GASK1B: variants seen among roughly 807,000 people sequenced by gnomAD.
GASK1B encodes the protein golgi associated kinase 1B.
In GASK1B, 34 loss-of-function variants were observed where a neutral mutation model predicts 42.8. That is an observed-to-expected ratio of 0.79 (90% confidence interval 0.60 to 1.06). The LOEUF is 1.06. GASK1B is among the 50% of genes least tolerant of loss of function. GASK1B has a pLI of 0.00. For synonymous variants in GASK1B, 262 were observed against 259.1 expected, an observed-to-expected ratio of 1.01 and a Z score of -0.11; for missense variants, 686 against 661.0, an observed-to-expected ratio of 1.04 and a Z score of -0.42.
In GASK1B at chr4:158,124,951, A is replaced by C. The variant is rs1730393632; in HGVS notation, c.*2456T>G. On this transcript the variant is annotated 3_prime_UTR_variant, in exon 5 of 5. Transcript: ENST00000585682. Reference sequence around the variant, plus strand: ...AAGTCACACAAGAATAAGCTTTTGCATGTCTGCTAAGGTAAATTATTATAT... The same window carrying C: ...AAGTCACACAAGAATAAGCTTTTGCCTGTCTGCTAAGGTAAATTATTATAT... 1 of 152,158 alleles carries C rather than the reference A, an allele frequency of 6.6e-6. No homozygotes were observed. Among genetic ancestry groups the C allele is most frequent in the African/African-American group, 2.4e-5 (1 of 41,464 alleles). The allele number at this position is 152,158 out of a possible 1,614,324, so 9.4% of individuals were successfully genotyped here. A position where few individuals can be genotyped will look rare whatever the true frequency, so the allele number is the denominator to read the frequency against.
intron 2 of GASK1B, among the ~76,000 whole-genome samples, chr4:158,159,999 G>C (rs1386565222): frequency 6.6e-6 from 1 of 152,128 alleles, no homozygotes; most frequent in Non-Finnish European, 1.5e-5. Context: ...GCAAAAATAA[G>C]AAGAAAAGTC....
chr4:158,126,470 A>G lies in GASK1B; in HGVS notation c.*937T>C, dbSNP rs1184065512. 1.3e-5 allele frequency: 2 copies of G among 152,164 alleles called. No individual in the cohort carries two copies. Among genetic ancestry groups the G allele is most frequent in the East Asian group, 3.8e-4 (2 of 5,198 alleles). The allele number at this position is 152,164 out of a possible 1,614,324, so 9.4% of individuals were successfully genotyped here. A position where few individuals can be genotyped will look rare whatever the true frequency, so the allele number is the denominator to read the frequency against. On this transcript the variant is annotated 3_prime_UTR_variant, in exon 5 of 5. Transcript: ENST00000585682. Reference sequence around the variant, plus strand: ...AACCAATTCTCAATATCTGGGCAGTAACCATTAAATCAAATTAAATATAAG... The same window carrying G: ...AACCAATTCTCAATATCTGGGCAGTGACCATTAAATCAAATTAAATATAAG...
rs1055276210 is a variant in GASK1B at position 158,134,377 on chromosome 4, T to C, written c.1126-3365A>G. ...ACTTAACTACTGCATGATTAAGCAC[T>C]GTAGTGTACATCTACGTGTCTGCGT... On this transcript the variant is annotated intron_variant, in intron 3 of 4. Transcript: ENST00000585682. Among the ~76,000 whole-genome samples the C allele has an allele frequency of 2.8e-4, 42 of 152,316 alleles. 1 individual carries two copies. Among genetic ancestry groups the C allele is most frequent in the Admixed American group, 1.8e-3 (27 of 15,302 alleles).
In GASK1B at chr4:158,126,421, A is replaced by G. The variant is rs939106280; in HGVS notation, c.*986T>C. ...CTCATGTTGAAATAAGCCAGATAAT[A>G]TATTGAAACACACTCAATATTTGAA... On this transcript the variant is annotated 3_prime_UTR_variant, in exon 5 of 5. Coordinates refer to ENST00000585682, the MANE Select transcript of GASK1B (RefSeq NM_001128424.2). 2 of 152,182 alleles carry G rather than the reference A, an allele frequency of 1.3e-5. No homozygotes were observed. The allele number at this position is 152,182 out of a possible 1,614,324, so 9.4% of individuals were successfully genotyped here.
chr4:158,145,391 G>A (rs1395455356), intron 3 of GASK1B, among the ~76,000 whole-genome samples: 3 of 152,100 alleles, frequency 2.0e-5, no homozygotes, highest in Non-Finnish European at 4.4e-5. Context: ...TCATATTCTT[G>A]TTGTCTATTG....
rs761018149 is a variant in GASK1B, at chr4:158,126,771, A to T, written c.*636T>A. ...ATAGGGACAACAAAATAAATTTCTA[A>T]AAAGGAATGGAAAATATGATTCTTG... On this transcript the variant is annotated 3_prime_UTR_variant, in exon 5 of 5. Transcript: ENST00000585682. 2.6e-5 allele frequency: 4 copies of T among 152,164 alleles called. No homozygotes were observed. The highest frequency in any genetic ancestry group is 5.9e-5 in the Non-Finnish European group (4 of 68,018). The allele number at this position is 152,164 out of a possible 1,614,324, so 9.4% of individuals were successfully genotyped here.
At chr4:158,138,870 A>C (rs1198310716) in intron 3 of GASK1B, among the ~76,000 whole-genome samples, 1 of 152,168 alleles carries the variant, frequency 6.6e-6, no homozygotes. Flanking sequence ...TTTTGCTTTT[A>C]TGAGTTAAAC....
chr4:158,129,538 A>G (rs964652466), intron 4 of GASK1B, among the ~76,000 whole-genome samples: 8 of 152,162 alleles, frequency 5.3e-5, no homozygotes, highest in African/African-American at 1.9e-4. Context: ...TAAAATCCAC[A>G]CCATGTAAGT....
At chr4:158,156,047 G>GA (rs944954557) in intron 2 of GASK1B, among the ~76,000 whole-genome samples, 3 of 152,040 alleles carry the variant, frequency 2.0e-5, no homozygotes, top group Admixed American at 6.5e-5. Context: ...GTTAGACAAT[G>GA]AAAAAAAATT....
Position 158,170,977 on chromosome 4 carries a change from A to G in GASK1B, c.399T>C (p.His133=). The part of the protein sequence containing the change: ...GTVKPKRRKK[H]AVASAAPGQE... ...GCCCTGGGGCAGCCGATGCCACTGC[A>G]TGCTTTTTCCTGCGCTTGGGCTTCA... is the stretch of plus-strand genomic sequence containing the variant. Residue 133 remains histidine, a synonymous_variant, in exon 2 of 5, where the codon CAT becomes CAC. Coordinates refer to ENST00000585682, the MANE Select transcript of GASK1B (RefSeq NM_001128424.2). 6.2e-7 allele frequency: 1 copy of G among 1,614,184 alleles called. No homozygotes were observed. Among genetic ancestry groups the G allele is most frequent in the Non-Finnish European group, 8.5e-7 (1 of 1,180,034 alleles).
intron 2 of GASK1B, among the ~76,000 whole-genome samples, chr4:158,163,801 C>T (rs1732123485): frequency 6.6e-6 from 1 of 152,168 alleles, no homozygotes; most frequent in Non-Finnish European, 1.5e-5. Context: ...AAGGAGTCTA[C>T]ATTGCCCGTC....
chr4:158,130,499 A>C (rs1730632820), intron 4 of GASK1B, among the ~76,000 whole-genome samples: 1 of 152,162 alleles, frequency 6.6e-6, no homozygotes, highest in South Asian at 2.1e-4. Context: ...GCATTCTTCC[A>C]ACAAAACCCA....
At chr4:158,159,766 G>A (rs1037448839) in intron 2 of GASK1B, 1 of 172,324 alleles carries the variant, frequency 5.8e-6, no homozygotes, top group Admixed American at 5.9e-5. Context: ...GCTGAATTTG[G>A]TGCTCTCCCA....
At chr4:158,153,819 C>T (rs991342359) in intron 3 of GASK1B, among the ~76,000 whole-genome samples, 8 of 152,146 alleles carry the variant, frequency 5.3e-5, no homozygotes, top group Non-Finnish European at 7.4e-5. Context: ...AAGAATGAAA[C>T]TGTATCCTCA....
intron 3 of GASK1B, among the ~76,000 whole-genome samples, chr4:158,132,109 T>C (rs1186684159): frequency 6.6e-6 from 1 of 152,106 alleles, no homozygotes; most frequent in East Asian, 1.9e-4. Flanking sequence ...CTGCCCTGGG[T>C]AGAATATTAG....
intron 3 of GASK1B, among the ~76,000 whole-genome samples, chr4:158,150,951 G>A (rs2110980331): frequency 6.6e-6 from 1 of 152,210 alleles, no homozygotes; most frequent in Non-Finnish European, 1.5e-5. Flanking sequence ...TGCTAAACTG[G>A]TTTTCTTCCT....
rs1341202919 is a variant in GASK1B, at chr4:158,170,937, C to T, written c.439G>A (p.Gly147Arg). Residue 147 changes from glycine (G) to arginine (R), a missense_variant, in exon 2 of 5, where the codon GGA becomes AGA. Coordinates refer to ENST00000585682, the MANE Select transcript of GASK1B (RefSeq NM_001128424.2). Reference sequence around the variant, plus strand: ...GCTTCCTGCGGCTGAAGGGATGGTCCGACCAAAGCCTCCTGCCCTGGGGCA... The same window carrying T: ...GCTTCCTGCGGCTGAAGGGATGGTCTGACCAAAGCCTCCTGCCCTGGGGCA... ...SAAPGQEALV[G>R]PSLQPQEAAR... 1.2e-6 allele frequency: 2 copies of T among 1,614,220 alleles called. No homozygotes were observed. Among genetic ancestry groups the T allele is most frequent in the Non-Finnish European group, 1.7e-6 (2 of 1,180,050 alleles).
rs372296038 is a variant in GASK1B at position 158,126,286 on chromosome 4, G to A, written c.*1121C>T. ...AATCTGATTTAAAAAGTGTTAGAAG[G>A]AGTTTGGAGATGATTATTTGAGGCT... On this transcript the variant is annotated 3_prime_UTR_variant, in exon 5 of 5. Coordinates refer to ENST00000585682, the MANE Select transcript of GASK1B (RefSeq NM_001128424.2). 1.8e-4 allele frequency: 28 copies of A among 152,202 alleles called. No homozygotes were observed. The highest frequency in any genetic ancestry group is 6.5e-4 in the African/African-American group (27 of 41,552). The allele number at this position is 152,202 out of a possible 1,614,324, so 9.4% of individuals were successfully genotyped here.
chr4:158,169,045 C>A (rs540085385), intron 2 of GASK1B: 25 of 152,276 alleles, frequency 1.6e-4, no homozygotes, highest in African/African-American at 6.0e-4. Context: ...GCTTAGCCAC[C>A]TACTAGCTGT....
Sources: allele counts gnomAD v4.1 joint callset (sites outside exome capture counted in the v4.1 genomes callset), GRCh38; gene constraint gnomAD v4.1.1; transcripts MANE v1.5; gene names NCBI Gene and HGNC (gene_info 2026-07-23, HGNC 2026-07-21).